UBP1: variants seen among roughly 807,000 people sequenced by gnomAD.
UBP1 encodes the protein upstream-binding protein 1.
Under a neutral mutation model 76.1 loss-of-function variants are expected in UBP1, and 22 were observed. The ratio of observed to expected loss-of-function variants is 0.29; its 90% CI spans 0.21 to 0.41. UBP1 has a LOEUF of 0.41. UBP1 is among the 10% of genes least tolerant of loss of function. The pLI is 1.00. For synonymous variants in UBP1, 224 were observed against 237.1 expected (o/e 0.94, Z 0.51); for missense variants, 436 against 668.1 (o/e 0.65, Z 3.83).
chr3:33,398,663 G>C (rs1160559189), intron 11 of UBP1, among the ~76,000 whole-genome samples: 1 of 152,204 alleles, frequency 6.6e-6, no homozygotes, highest in Non-Finnish European at 1.5e-5. Context: ...AAGCCCCCAG[G>C]ATAAGGAAAA....
At chr3:33,417,345 G>T (rs572890083) in intron 2 of UBP1, among the ~76,000 whole-genome samples, 81 of 140,564 alleles carry the variant, frequency 5.8e-4, no homozygotes, top group African/African-American at 1.8e-3. Context: ...CTGCCTCTAC[G>T]ATTTGCCCAC....
intron 13 of UBP1, among the ~76,000 whole-genome samples, chr3:33,395,071 A>G (rs1468500381): frequency 6.6e-6 from 1 of 152,188 alleles, no homozygotes; most frequent in Non-Finnish European, 1.5e-5. Context: ...CCAAAATATT[A>G]TAATCTTGGC....
intron 1 of UBP1, among the ~76,000 whole-genome samples, chr3:33,436,675 T>C (rs1324081293): frequency 6.6e-6 from 1 of 152,222 alleles, no homozygotes; most frequent in Non-Finnish European, 1.5e-5. Flanking sequence ...TACAGTGAGA[T>C]GGAAAGAAAA....
chr3:33,393,589 T>A (rs2043853161), intron 13 of UBP1, 135 bp from the exon 14 acceptor site: 1 of 765,148 alleles, frequency 1.3e-6, no homozygotes, highest in South Asian at 3.4e-5. Flanking sequence ...TAAATGGGAA[T>A]AAACTATTTC....
At chr3:33,403,447 G>C (rs1180235256) in intron 8 of UBP1, 1 of 165,872 alleles carries the variant, frequency 6.0e-6, no homozygotes, top group African/African-American at 2.4e-5. Flanking sequence ...GACAGGCCCA[G>C]CATCAAAATA....
Position 33,408,678 on chromosome 3 carries a change from G to C in UBP1, c.927+12C>G. On this transcript the variant is annotated intron_variant, in intron 8 of 15. Transcript: ENST00000283629. The stretch of plus-strand genomic sequence containing the variant: ...TTCTTGCACAATGAAAAGAGAAGCA[G>C]AAGTCCCTTACACTGCCTCGCTTTG... The C allele has an allele frequency of 2.5e-6, 4 of 1,604,896 alleles. No individual in the cohort carries two copies. Among genetic ancestry groups the C allele is most frequent in the East Asian group, 2.2e-5 (1 of 44,650 alleles).
chr3:33,403,486 C>CTCTATCTATCTATCTA (rs149670278), intron 8 of UBP1: 67 of 98,466 alleles, frequency 6.8e-4, no homozygotes, highest in African/African-American at 1.8e-3. Flanking sequence ...CTACATCTAT[C>CTCTATCTATCTATCTA]TCTATCTATC....
chr3:33,439,181 T>A (rs759531834), intron 1 of UBP1, among the ~76,000 whole-genome samples: 16 of 152,188 alleles, frequency 1.1e-4, no homozygotes, highest in Non-Finnish European at 2.2e-4. Context: ...GTCTCCAAAA[T>A]GAGAAACTTC....
intron 8 of UBP1, among the ~76,000 whole-genome samples, chr3:33,404,086 C>A (rs999605963): frequency 6.6e-6 from 1 of 152,100 alleles, no homozygotes; most frequent in African/African-American, 2.4e-5. Context: ...CACAGTGAGA[C>A]CCTGTTTCTA....
chr3:33,417,000 C>A (rs1456380392), intron 2 of UBP1, among the ~76,000 whole-genome samples, 166 bp from the exon 3 acceptor site: 2 of 152,208 alleles, frequency 1.3e-5, no homozygotes, highest in Non-Finnish European at 2.9e-5. Flanking sequence ...GAAAATCACA[C>A]CAACCTTCTG....
At chr3:33,438,411 G>A (rs2045235010) in intron 1 of UBP1, among the ~76,000 whole-genome samples, 1 of 152,206 alleles carries the variant, frequency 6.6e-6, no homozygotes, top group Non-Finnish European at 1.5e-5. Context: ...AATGGCACTA[G>A]AGGAGTGCGT....
intron 2 of UBP1, among the ~76,000 whole-genome samples, chr3:33,424,133 T>C (rs1045109310): frequency 6.6e-6 from 1 of 152,236 alleles, no homozygotes; most frequent in African/African-American, 2.4e-5. Context: ...CCCTACATTG[T>C]TTCTTCTGTT....
In UBP1 at chr3:33,400,372, A is replaced by T. The variant is rs146301974; in HGVS notation, c.1087-90T>A. 256 of 969,348 alleles carry T rather than the reference A, an allele frequency of 2.6e-4. 1 individual carries two copies. The African/African-American group carries it at 4.0e-3, about 15-fold the overall frequency. 60.0% of individuals were successfully genotyped at this position (969,348 alleles called of 1,614,324 possible). A position where few individuals can be genotyped will look rare whatever the true frequency, so the allele number is the denominator to read the frequency against. ...CACAGAAAGCCTCGGAGTCTGAAGT[A>T]AAAAACACCCAAAAAGAGCATGAGT... is the stretch of plus-strand genomic sequence containing the variant. On this transcript the variant is annotated intron_variant, in intron 10 of 15. Coordinates refer to ENST00000283629, the MANE Select transcript of UBP1 (RefSeq NM_014517.5).
At chr3:33,397,563 G>T (rs182740698) in intron 11 of UBP1, 1 of 152,880 alleles carries the variant, frequency 6.5e-6, no homozygotes, top group Non-Finnish European at 1.5e-5. Flanking sequence ...TCCAGAGTTT[G>T]TGGGACTTGC....
chr3:33,412,944 T>G, intron 3 of UBP1, 117 bp from the exon 4 acceptor site: 1 of 631,412 alleles, frequency 1.6e-6, no homozygotes. Context: ...TAGATTCTGT[T>G]TTAAACATTC....
chr3:33,396,267 G>C lies in UBP1; in HGVS notation c.1285C>G (p.Arg429Gly). Residue 429 changes from arginine to glycine, a missense_variant, in exon 13 of 16, where the codon CGT becomes GGT. Around this residue, in one of 3 missense-constraint regions of UBP1, gnomAD observed 210 missense variants for 272.8 expected, o/e 0.77. Coordinates refer to ENST00000283629, the MANE Select transcript of UBP1 (RefSeq NM_014517.5). Reference sequence around the variant, plus strand: ...TCCCGGCAGACATAGATGGTTAAACGGGGTCTAACCGACCTGCAATCAGAA... The same window carrying C: ...TCCCGGCAGACATAGATGGTTAAACCGGGTCTAACCGACCTGCAATCAGAA... The part of the protein sequence containing the change: ...NSLKSRSVRP[R>G]LTIYVCREQP... 1 of 1,578,786 alleles carries C rather than the reference G, an allele frequency of 6.3e-7. No individual in the cohort carries two copies. The highest frequency in any genetic ancestry group is 8.7e-7 in the Non-Finnish European group (1 of 1,152,026).
intron 5 of UBP1, among the ~76,000 whole-genome samples, chr3:33,410,151 T>C (rs1488525278): frequency 1.3e-5 from 2 of 152,216 alleles, no homozygotes; most frequent in African/African-American, 4.8e-5. Flanking sequence ...CTAAACTCTT[T>C]GGTCAACTCT....
At chr3:33,423,282 G>A (rs1358765613) in intron 2 of UBP1, among the ~76,000 whole-genome samples, 5 of 152,014 alleles carry the variant, frequency 3.3e-5, no homozygotes, top group African/African-American at 9.7e-5. Flanking sequence ...TCATGGATCC[G>A]CCCACCTTGG....
At chr3:33,423,429 A>C (rs1486985393) in intron 2 of UBP1, among the ~76,000 whole-genome samples, 1 of 152,248 alleles carries the variant, frequency 6.6e-6, no homozygotes, top group Non-Finnish European at 1.5e-5. Flanking sequence ...AAAGACTAGA[A>C]AAAATCAAGA....
Sources: gnomAD v4.1 joint callset for allele counts (sites outside exome capture counted in the v4.1 genomes callset) on GRCh38, gnomAD v4.1.1 for gene constraint, gnomAD v4.1.1 regional missense constraint, MANE v1.5 for transcripts, NCBI Gene and HGNC (gene_info 2026-07-23, HGNC 2026-07-21) for gene names.